PPIP5K1: variants seen among roughly 807,000 people sequenced by gnomAD.
PPIP5K1 encodes inositol hexakisphosphate and diphosphoinositol-pentakisphosphate kinase 1.
In PPIP5K1, 6 loss-of-function variants were observed where a neutral mutation model predicts 27.7. The observed-to-expected ratio is 0.22, with a 90% CI of 0.12 to 0.43. The LOEUF (loss-of-function observed/expected upper bound fraction) is 0.43, where lower values mean the gene tolerates loss of function less well. Ranked by LOEUF, PPIP5K1 falls within the 20% of genes least tolerant of loss-of-function variation. The pLI, the probability that PPIP5K1 is intolerant of heterozygous loss-of-function variation, is 1.00. For synonymous variants in PPIP5K1, 145 were observed against 242.6 expected, an observed-to-expected ratio of 0.60 and a Z score of 3.74; for missense variants, 394 against 635.4, an observed-to-expected ratio of 0.62 and a Z score of 4.08.
At chr15:43,538,340 C>T (rs1158113135) in intron 31 of PPIP5K1, among the ~76,000 whole-genome samples, 3 of 152,226 alleles carry the variant, frequency 2.0e-5, no homozygotes, top group Non-Finnish European at 4.4e-5. Context: ...TCTATAGTCA[C>T]TCTAACAACT....
At chr15:43,542,545 C>T (rs2080876742) in intron 30 of PPIP5K1, among the ~76,000 whole-genome samples, 1 of 151,972 alleles carries the variant, frequency 6.6e-6, no homozygotes, top group African/African-American at 2.4e-5. Context: ...CCTGCCTTGG[C>T]CTTCGAAAGT....
At chr15:43,552,038 C>G (rs2082274424) in intron 30 of PPIP5K1, among the ~76,000 whole-genome samples, 1 of 151,144 alleles carries the variant, frequency 6.6e-6, no homozygotes, top group Non-Finnish European at 1.5e-5. Context: ...ACTGCAACCT[C>G]TCCCTTCCAG....
chr15:43,542,301 CGGG>C lies in PPIP5K1; in HGVS notation c.3557-2721_3557-2719del, dbSNP rs35106975. 4.1e-4 allele frequency among the ~76,000 whole-genome samples: 51 copies of C among 123,126 alleles called. 2 individuals are homozygous for C. Among genetic ancestry groups the C allele is most frequent in the African/African-American group, 1.0e-3 (29 of 28,488 alleles). The allele number at this position is 123,126 out of a possible 152,430, so 80.8% of individuals were successfully genotyped here. On this transcript the variant is annotated intron_variant, in intron 30 of 31. Transcript: ENST00000420765. ...ATTTGTCTTATTTACTTAATTTTGG[CGGG>C]GGGGGGGGGCAGAGTCTTGCTCTGT...
Position 43,549,080 on chromosome 15 carries a change from T to TATAC in PPIP5K1, c.3557-9498_3557-9497insGTAT, listed in dbSNP as rs1489462259. On this transcript the variant is annotated intron_variant, in intron 30 of 31. Coordinates refer to ENST00000420765, the MANE Select transcript of PPIP5K1 (RefSeq NM_001394395.1). ...AAATATATATATATATATATATATA[T>TATAC]ACATATATATAATTTGTAGAGACAG... is the stretch of plus-strand genomic sequence containing the variant. 7.1e-5 allele frequency among the ~76,000 whole-genome samples: 8 copies of TATAC among 113,166 alleles called. No individual in the cohort carries two copies. The East Asian group carries it at 1.4e-3, about 20-fold the overall frequency. 74.2% of individuals were successfully genotyped at this position (113,166 alleles called of 152,430 possible).
At chr15:43,545,279 C>T (rs1174723788) in intron 30 of PPIP5K1, among the ~76,000 whole-genome samples, 1 of 151,970 alleles carries the variant, frequency 6.6e-6, no homozygotes, top group Non-Finnish European at 1.5e-5. Flanking sequence ...ATTTTGTACC[C>T]CCACCAACAA....
In PPIP5K1 at chr15:43,558,341, C is replaced by T. The variant is rs577966872; in HGVS notation, c.3556+454G>A. 4.7e-4 allele frequency among the ~76,000 whole-genome samples: 72 copies of T among 152,040 alleles called. 1 individual carries two copies. Among genetic ancestry groups the T allele is most frequent in the Non-Finnish European group, 9.9e-4 (67 of 67,978 alleles). ...CTCCCAGGTTCAAGCGATTCTCCTGCCTCAGCCTCCTGGGTAGCTGGGACT... is the reference window on the plus strand; with the variant it reads ...CTCCCAGGTTCAAGCGATTCTCCTGTCTCAGCCTCCTGGGTAGCTGGGACT... On this transcript the variant is annotated intron_variant, in intron 30 of 31. Coordinates refer to ENST00000420765, the MANE Select transcript of PPIP5K1 (RefSeq NM_001394395.1).
At chr15:43,551,347 G>A (rs1270783794) in intron 30 of PPIP5K1, among the ~76,000 whole-genome samples, 2 of 151,544 alleles carry the variant, frequency 1.3e-5, no homozygotes, top group Non-Finnish European at 2.9e-5. Flanking sequence ...GCGAAACCCC[G>A]TCTCTACTAA....
intron 30 of PPIP5K1, among the ~76,000 whole-genome samples, chr15:43,553,556 T>G (rs1263678832): frequency 6.6e-6 from 1 of 152,090 alleles, no homozygotes; most frequent in Non-Finnish European, 1.5e-5. Flanking sequence ...TTACCCAGAC[T>G]GGTCTCAGAT....
chr15:43,558,197 C>T (rs1035236739), intron 30 of PPIP5K1, among the ~76,000 whole-genome samples: 2 of 150,788 alleles, frequency 1.3e-5, no homozygotes, highest in African/African-American at 4.9e-5. Flanking sequence ...GCTGGGACTA[C>T]AGGCACACAC....
chr15:43,581,379 CTG>C lies in PPIP5K1; in HGVS notation c.785_786del (p.Thr262SerfsTer9). On this transcript the variant is annotated frameshift_variant, in exon 9 of 32. Coordinates refer to ENST00000420765, the MANE Select transcript of PPIP5K1 (RefSeq NM_001394395.1). LOFTEE classifies it high-confidence loss of function. Reference sequence around the variant, plus strand: ...TCAGCATGGGCATAATCTGGCCCCACTGTATACACCTGCAGGTACATAGCATC... The same window carrying C: ...TCAGCATGGGCATAATCTGGCCCCACTATACACCTGCAGGTACATAGCATC... ...PTDGTDVKVY[T>X]VGPDYAHAEA... is the part of the protein sequence containing the mutation. 6.4e-7 allele frequency: 1 copy of C among 1,553,518 alleles called. No individual in the cohort carries two copies. The highest frequency in any genetic ancestry group is 8.9e-7 in the Non-Finnish European group (1 of 1,129,566).
At chr15:43,549,080 T>C (rs868059508) in intron 30 of PPIP5K1, among the ~76,000 whole-genome samples, 1,564 of 113,158 alleles carry the variant, frequency 0.014, 69 homozygotes, top group African/African-American at 0.047. Flanking sequence ...TATATATATA[T>C]ACATATATAT....
At chr15:43,558,429 T>A (rs997843770) in intron 30 of PPIP5K1, among the ~76,000 whole-genome samples, 2 of 152,114 alleles carry the variant, frequency 1.3e-5, no homozygotes, top group African/African-American at 4.8e-5. Context: ...GGTTTCACCA[T>A]ATTGGCCAGG....
At chr15:43,552,378 T>C (rs1436004409) in intron 30 of PPIP5K1, among the ~76,000 whole-genome samples, 1 of 151,912 alleles carries the variant, frequency 6.6e-6, no homozygotes, top group African/African-American at 2.4e-5. Flanking sequence ...CTAATTTCCC[T>C]TGTGAGTTCT....
At position 43,566,884 on chromosome 15, in the gene PPIP5K1, C is replaced by G. The variant is rs144866341; in HGVS notation, c.3046+1579G>C. On this transcript the variant is annotated intron_variant, in intron 26 of 31. Coordinates refer to ENST00000420765, the MANE Select transcript of PPIP5K1 (RefSeq NM_001394395.1). Reference sequence around the variant, plus strand: ...TACTTTTCTGGTGCAGTCATGCCAACTCTGTTCTGCCCAGTCCTCAGATCA... The same window carrying G: ...TACTTTTCTGGTGCAGTCATGCCAAGTCTGTTCTGCCCAGTCCTCAGATCA... 1.3e-3 allele frequency among the ~76,000 whole-genome samples: 26 copies of G among 19,412 alleles called. 2 individuals are homozygous for G. The African/African-American group carries it at 0.019, about 14-fold the overall frequency. 12.7% of individuals were successfully genotyped at this position (19,412 alleles called of 152,430 possible).
rs984026841 is a variant in PPIP5K1 at position 43,540,624 on chromosome 15, G to C, written c.3557-1041C>G. Among the ~76,000 whole-genome samples, 4 of 151,582 alleles carry C rather than the reference G, an allele frequency of 2.6e-5. No homozygotes were observed. In the South Asian group the frequency reaches 6.2e-4, roughly 24 times the overall value. On this transcript the variant is annotated intron_variant, in intron 30 of 31. Coordinates refer to ENST00000420765, the MANE Select transcript of PPIP5K1 (RefSeq NM_001394395.1). ...AGGCAGGAGAATTGCTTGAACCCAG[G>C]AAACAGAGGTTGCAGTGAGCCGAGA... is the stretch of plus-strand genomic sequence containing the variant.
At chr15:43,557,350 G>A (rs1021724709) in intron 30 of PPIP5K1, among the ~76,000 whole-genome samples, 1 of 152,150 alleles carries the variant, frequency 6.6e-6, no homozygotes, top group Non-Finnish European at 1.5e-5. Flanking sequence ...AGGAGGCTGA[G>A]GCAGGGAGAA....
At chr15:43,546,586 C>T (rs929085146) in intron 30 of PPIP5K1, among the ~76,000 whole-genome samples, 5 of 151,452 alleles carry the variant, frequency 3.3e-5, no homozygotes, top group Non-Finnish European at 7.4e-5. Context: ...CCATCATCCT[C>T]AGCTTTGATT....
chr15:43,559,072 G>A (rs1397274056), intron 29 of PPIP5K1, 140 bp from the exon 30 acceptor site: 1 of 968,558 alleles, frequency 1.0e-6, no homozygotes, highest in Non-Finnish European at 1.5e-6. Context: ...ACTCTTAGGA[G>A]AGGGAACTCT....
Position 43,535,405 on chromosome 15 carries a change from G to T in PPIP5K1, c.3742C>A (p.Gln1248Lys). The part of the protein sequence containing the change: ...SSPTTVDGNS[Q>K]FGFSDQPSLN... ...GAGGGTTGATCACTGAAGCCAAATT[G>T]GGAGTTACCATCTACTGTAGTAGGG... Residue 1248 changes from glutamine to lysine, a missense_variant, in exon 32 of 32, where the codon CAA becomes AAA. Physicochemically the swap from Gln to Lys is moderately conservative, Grantham distance 53. Coordinates refer to ENST00000420765, the MANE Select transcript of PPIP5K1 (RefSeq NM_001394395.1). 1 of 1,613,892 alleles carries T rather than the reference G, an allele frequency of 6.2e-7. No individual in the cohort carries two copies. The highest frequency in any genetic ancestry group is 1.1e-5 in the South Asian group (1 of 91,050).
Sources: gnomAD v4.1 joint callset for allele counts (sites outside exome capture counted in the v4.1 genomes callset) on GRCh38, gnomAD v4.1.1 for gene constraint, MANE v1.5 for transcripts, NCBI Gene and HGNC (gene_info 2026-07-23, HGNC 2026-07-21) for gene names.